The following EP300 variants were observed in gnomAD, a reference collection of about 807,000 sequenced individuals.
EP300 encodes histone acetyltransferase p300.
Under a neutral mutation model 264.0 loss-of-function variants are expected in EP300, and 31 were observed. That is an observed-to-expected ratio of 0.12 (90% confidence interval 0.09 to 0.16). EP300 has a LOEUF of 0.16. Among genes scored for constraint, EP300 ranks in the 10% least tolerant of loss-of-function variants. The pLI is 1.00. For synonymous variants in EP300, 1,340 were observed against 1,045.4 expected (o/e 1.28, Z -5.44); for missense variants, 2,766 against 3,052.9 (o/e 0.91, Z 2.21).
rs141437709 is a variant in EP300 at position 41,112,521 on chromosome 22, T to C, written c.95-4666T>C. On this transcript the variant is annotated intron_variant, in intron 1 of 30. Coordinates refer to ENST00000263253, the MANE Select transcript of EP300 (RefSeq NM_001429.4). ...GCCAAGATGAATCTTATATTTTCTT[T>C]ATCCTTTGTTACTATGGCGAATGAC... Among the ~76,000 whole-genome samples, 267 of 152,288 alleles carry C rather than the reference T, an allele frequency of 1.8e-3. 5 individuals are homozygous for C. In the East Asian group the frequency reaches 0.046, roughly 26 times the overall value.
In EP300 at chr22:41,141,303, G is replaced by A. The variant is rs190960016; in HGVS notation, c.2053+81G>A. 9.1e-5 allele frequency: 135 copies of A among 1,480,434 alleles called. No homozygotes were observed. The African/African-American group carries it at 1.7e-3, about 19-fold the overall frequency. 91.7% of individuals were successfully genotyped at this position (1,480,434 alleles called of 1,614,324 possible). On this transcript the variant is annotated intron_variant, in intron 10 of 30. Transcript: ENST00000263253. Reference sequence around the variant, plus strand: ...TATCTAAAGTCATTAATTTCTGTAAGCTTGTGTAACTATTCTAGAGTTTTT... The same window carrying A: ...TATCTAAAGTCATTAATTTCTGTAAACTTGTGTAACTATTCTAGAGTTTTT...
At chr22:41,166,905 C>T (rs775900737) in intron 23 of EP300, among the ~76,000 whole-genome samples, 14 of 152,108 alleles carry the variant, frequency 9.2e-5, no homozygotes, top group African/African-American at 7.2e-5. Flanking sequence ...TTTCCTGTTC[C>T]TATATTTTTC....
intron 30 of EP300, 82 bp downstream of exon 30, chr22:41,176,610 G>A (rs2145514401): frequency 1.9e-6 from 3 of 1,608,252 alleles, no homozygotes; most frequent in Non-Finnish European, 2.5e-6. Context: ...TTTTATAGAG[G>A]CCTGTGGGAT....
At chr22:41,115,347 C>T (rs2058815083) in intron 1 of EP300, among the ~76,000 whole-genome samples, 1 of 152,142 alleles carries the variant, frequency 6.6e-6, no homozygotes, top group Admixed American at 6.6e-5. Context: ...TCACCCTCCA[C>T]CCACAACAAA....
At position 41,149,814 on chromosome 22, in the gene EP300, G is replaced by A; in HGVS notation, c.2433G>A (p.Gly811=). Residue 811 remains glycine, a synonymous_variant, in exon 14 of 31, where the codon GGG becomes GGA. Coordinates refer to ENST00000263253, the MANE Select transcript of EP300 (RefSeq NM_001429.4). ...CPVNSPIMPP[G]SQGSHIHCPQ... is the part of the protein sequence containing the mutation. ...TGAACTCTCCTATAATGCCTCCAGGGTCTCAGGGGAGCCACATTCACTGTC... is the reference window on the plus strand; with the variant it reads ...TGAACTCTCCTATAATGCCTCCAGGATCTCAGGGGAGCCACATTCACTGTC... 6.2e-7 allele frequency: 1 copy of A among 1,613,914 alleles called. No individual in the cohort carries two copies. Among genetic ancestry groups the A allele is most frequent in the Non-Finnish European group, 8.5e-7 (1 of 1,179,968 alleles).
intron 10 of EP300, among the ~76,000 whole-genome samples, chr22:41,141,594 G>A (rs988526015): frequency 2.6e-5 from 4 of 151,874 alleles, no homozygotes; most frequent in African/African-American, 7.3e-5. Context: ...CAGGAGCCCT[G>A]TAACACACAT....
At chr22:41,154,015 T>A (rs2059062218) in intron 16 of EP300, among the ~76,000 whole-genome samples, 1 of 152,216 alleles carries the variant, frequency 6.6e-6, no homozygotes, top group Non-Finnish European at 1.5e-5. Flanking sequence ...ACTGTTTGAT[T>A]CCATTTGGGA....
intron 10 of EP300, among the ~76,000 whole-genome samples, chr22:41,145,574 T>G (rs1268782871): frequency 6.6e-6 from 1 of 152,258 alleles, no homozygotes; most frequent in Non-Finnish European, 1.5e-5. Flanking sequence ...AGTACTACAC[T>G]AGAGCATGTG....
chr22:41,165,188 A>G (rs991202524), intron 22 of EP300, among the ~76,000 whole-genome samples: 1 of 152,210 alleles, frequency 6.6e-6, no homozygotes, highest in African/African-American at 2.4e-5. Context: ...CAGATTTCGT[A>G]AGAATGATTA....
chr22:41,163,865 G>C (rs1304182103), intron 21 of EP300, among the ~76,000 whole-genome samples, 188 bp from the exon 22 acceptor site: 1 of 152,058 alleles, frequency 6.6e-6, no homozygotes, highest in African/African-American at 2.4e-5. Context: ...AGTGAGCTGT[G>C]ATCATGCCAC....
intron 3 of EP300, 55 bp downstream of exon 3, chr22:41,126,095 T>G: frequency 6.3e-7 from 1 of 1,577,784 alleles, no homozygotes; most frequent in Non-Finnish European, 8.7e-7. Flanking sequence ...GACAAAAGAA[T>G]TGTGTTAAAC....
chr22:41,169,322 C>T (rs2059157023), intron 25 of EP300, 181 bp from the exon 26 acceptor site: 1 of 613,912 alleles, frequency 1.6e-6, no homozygotes, highest in African/African-American at 1.8e-5. Context: ...ACCACAGGCT[C>T]ACTGAACTTC....
rs2145525300 is a variant in EP300 at position 41,178,996 on chromosome 22, C to G, written c.*40C>G. On this transcript the variant is annotated 3_prime_UTR_variant, in exon 31 of 31. Coordinates refer to ENST00000263253, the MANE Select transcript of EP300 (RefSeq NM_001429.4). ...ATTTTGGGAGCAAAAAAATTATTTT[C>G]TCTTAACAAGACTTTTTGTACTGAA... 5 of 1,608,650 alleles carry G rather than the reference C, an allele frequency of 3.1e-6. No homozygotes were observed. The highest frequency in any genetic ancestry group is 1.1e-5 in the South Asian group (1 of 90,906).
At chr22:41,120,607 G>A (rs888846398) in intron 2 of EP300, among the ~76,000 whole-genome samples, 2 of 152,156 alleles carry the variant, frequency 1.3e-5, no homozygotes, top group Admixed American at 6.5e-5. Flanking sequence ...TACTACTACA[G>A]CTGTCTTCCA....
chr22:41,140,072 A>G (rs2058973119), intron 8 of EP300, 68 bp from the exon 9 acceptor site: 1 of 1,121,388 alleles, frequency 8.9e-7, no homozygotes, highest in Non-Finnish European at 1.4e-6. Flanking sequence ...TGTTCAGTGT[A>G]TAAAAATCAG....
At chr22:41,157,059 G>A in intron 17 of EP300, 110 bp from the exon 18 acceptor site, 2 of 1,368,110 alleles carry the variant, frequency 1.5e-6, no homozygotes, top group Non-Finnish European at 2.0e-6. Context: ...ATATAGACAG[G>A]CCAGAAACTA....
At chr22:41,152,486 C>A (rs1397317082) in intron 16 of EP300, 136 bp downstream of exon 16, 5 of 940,290 alleles carry the variant, frequency 5.3e-6, no homozygotes, top group Non-Finnish European at 4.8e-6. Context: ...TGGGCCTGGT[C>A]TCTTCATTGT....
In EP300 at chr22:41,117,725, C is replaced by A; in HGVS notation, c.633C>A (p.Gly211=). The A allele has an allele frequency of 6.2e-7, 1 of 1,614,206 alleles. No individual in the cohort carries two copies. Among genetic ancestry groups the A allele is most frequent in the South Asian group, 1.1e-5 (1 of 91,076 alleles). The change falls in exon 2 of 31, where the codon GGC becomes GGA. Residue 211 remains glycine (G), a synonymous_variant. Transcript: ENST00000263253. ...GRQNMQYPNP[G]MGSAGNLLTE... is the part of the protein sequence containing the mutation. ...AGAATATGCAGTACCCAAACCCAGG[C>A]ATGGGAAGTGCTGGCAACTTACTGA...
In EP300 at chr22:41,117,735, G is replaced by T; in HGVS notation, c.643G>T (p.Ala215Ser). 6.2e-7 allele frequency: 1 copy of T among 1,614,248 alleles called. No individual in the cohort carries two copies. The change falls in exon 2 of 31, where the codon GCT (alanine) becomes TCT (serine). Residue 215 changes from alanine (A) to serine (S), a missense_variant. Coordinates refer to ENST00000263253, the MANE Select transcript of EP300 (RefSeq NM_001429.4). ...GTACCCAAACCCAGGCATGGGAAGT[G>T]CTGGCAACTTACTGACTGAGCCTCT... ...MQYPNPGMGS[A>S]GNLLTEPLQQ...
Sources: gnomAD v4.1 joint callset for allele counts (sites outside exome capture counted in the v4.1 genomes callset) on GRCh38, gnomAD v4.1.1 for gene constraint, MANE v1.5 for transcripts, NCBI Gene and HGNC (gene_info 2026-07-23, HGNC 2026-07-21) for gene names.